The following TANC2 variants were observed in gnomAD, a reference collection of about 807,000 sequenced individuals.
TANC2 encodes tetratricopeptide repeat, ankyrin repeat and coiled-coil containing 2.
In TANC2, 26 loss-of-function variants were observed where a neutral mutation model predicts 210.5. The observed-to-expected ratio is 0.12, with a 90% confidence interval of 0.09 to 0.17. The LOEUF (loss-of-function observed/expected upper bound fraction) is 0.17. Among genes scored for constraint, TANC2 ranks in the 10% least tolerant of loss-of-function variants. The pLI is 1.00. For missense variants in TANC2, 2,129 were observed against 2,608.9 expected (o/e 0.82, Z 4.01); for synonymous variants, 931 against 967.1 (o/e 0.96, Z 0.69).
chr17:63,370,789 C>T (rs2047244189), intron 14 of TANC2, among the ~76,000 whole-genome samples: 1 of 152,030 alleles, frequency 6.6e-6, no homozygotes, highest in Admixed American at 6.5e-5. Flanking sequence ...TGGGGGAAGA[C>T]AAAAAACAGT....
At chr17:63,298,733 A>G (rs748391420) in intron 9 of TANC2, among the ~76,000 whole-genome samples, 93 of 152,266 alleles carry the variant, frequency 6.1e-4, no homozygotes, top group African/African-American at 2.1e-3. Flanking sequence ...AAAACCTACA[A>G]TCATGAGATT....
rs12603673 is a variant in TANC2, at chr17:63,077,144, G to C, written c.139+3130G>C. Among the ~76,000 whole-genome samples the C allele has an allele frequency of 3.4e-4, 51 of 152,236 alleles. No individual in the cohort carries two copies. In the East Asian group the frequency reaches 8.3e-3, roughly 25 times the overall value. On this transcript the variant is annotated intron_variant, in intron 3 of 27. Transcript: ENST00000689528. ...CCAAACAGATCGTTCATGCTTCTGG[G>C]GGGTGGGAGGGAATGAGTTGGCTTT... is the stretch of plus-strand genomic sequence containing the variant.
chr17:63,086,568 C>G (rs1413906537), intron 3 of TANC2, among the ~76,000 whole-genome samples: 1 of 152,174 alleles, frequency 6.6e-6, no homozygotes, highest in Non-Finnish European at 1.5e-5. Flanking sequence ...ACTTATATTA[C>G]TCATCTGTTC....
chr17:63,191,218 A>G (rs1455907991), intron 5 of TANC2, among the ~76,000 whole-genome samples: 1 of 151,982 alleles, frequency 6.6e-6, no homozygotes, highest in Admixed American at 6.5e-5. Context: ...TTTTAAGCAT[A>G]TTTTAAATGA....
intron 11 of TANC2, among the ~76,000 whole-genome samples, chr17:63,319,621 G>T (rs2045431033): frequency 1.3e-5 from 2 of 152,216 alleles, no homozygotes; most frequent in African/African-American, 4.8e-5. Flanking sequence ...AGAGTGCTGG[G>T]ATTACAGGCG....
chr17:63,146,328 T>C (rs2039462094), intron 4 of TANC2, among the ~76,000 whole-genome samples: 1 of 152,128 alleles, frequency 6.6e-6, no homozygotes, highest in Admixed American at 6.6e-5. Flanking sequence ...TTTCTACATA[T>C]AAGTTGTCTT....
At chr17:63,375,978 A>T (rs146877611) in intron 14 of TANC2, among the ~76,000 whole-genome samples, 2 of 151,666 alleles carry the variant, frequency 1.3e-5, no homozygotes, top group Non-Finnish European at 2.9e-5. Flanking sequence ...AATCCCAGCT[A>T]TTTGGGAGGC....
At chr17:63,395,680 G>T in intron 17 of TANC2, 63 bp from the exon 18 acceptor site, 1 of 1,483,888 alleles carries the variant, frequency 6.7e-7, no homozygotes, top group South Asian at 1.2e-5. Flanking sequence ...TGGCGGATGT[G>T]ACTAGATTGC....
chr17:63,023,072 G>A (rs2144030867), intron 2 of TANC2, among the ~76,000 whole-genome samples: 1 of 152,354 alleles, frequency 6.6e-6, no homozygotes, highest in East Asian at 1.9e-4. Flanking sequence ...GCAAAAACTT[G>A]CCATGGGGTG....
At chr17:63,369,130 C>T (rs983180901) in intron 14 of TANC2, among the ~76,000 whole-genome samples, 3 of 152,088 alleles carry the variant, frequency 2.0e-5, no homozygotes, top group African/African-American at 7.2e-5. Context: ...TCCCCATGTC[C>T]TAAACAATGA....
chr17:63,171,118 C>G (rs1232514236), intron 5 of TANC2, among the ~76,000 whole-genome samples: 2 of 134,228 alleles, frequency 1.5e-5, no homozygotes, highest in Non-Finnish European at 3.1e-5. Context: ...TGGAGTCTTG[C>G]TCCCTCGCCC....
intron 3 of TANC2, among the ~76,000 whole-genome samples, chr17:63,091,845 C>T (rs1405025955): frequency 6.6e-6 from 1 of 152,158 alleles, no homozygotes; most frequent in East Asian, 1.9e-4. Context: ...TATCCATGAG[C>T]ATGGAATGTT....
chr17:63,351,243 A>C lies in TANC2; in HGVS notation c.1808-7A>C, dbSNP rs1374586219. 2 of 1,599,888 alleles carry C rather than the reference A, an allele frequency of 1.3e-6. No homozygotes were observed. The highest frequency in any genetic ancestry group is 3.5e-5 in the Admixed American group (2 of 57,494). On this transcript the variant is annotated splice_region_variant and splice_polypyrimidine_tract_variant and intron_variant, in intron 12 of 27. Transcript: ENST00000689528. ...ATTATTAAGTAATGTGTTTCTTTCT[A>C]TCTCAGAGAGAAAAATCCCAGATGA...
chr17:63,035,531 T>A (rs1317327548), intron 2 of TANC2, among the ~76,000 whole-genome samples: 1 of 152,216 alleles, frequency 6.6e-6, no homozygotes, highest in Non-Finnish European at 1.5e-5. Context: ...TGTCAAAAAG[T>A]ACTAGCGAGT....
intron 1 of TANC2, among the ~76,000 whole-genome samples, chr17:62,969,016 C>G (rs2031528269): frequency 6.6e-6 from 1 of 151,908 alleles, no homozygotes; most frequent in African/African-American, 2.4e-5. Flanking sequence ...TGTATGGAAC[C>G]ATGTATAGGG....
intron 4 of TANC2, among the ~76,000 whole-genome samples, chr17:63,136,894 A>G (rs1007040836): frequency 7.2e-5 from 11 of 152,086 alleles, no homozygotes; most frequent in African/African-American, 2.7e-4. Context: ...TCAGAGATTG[A>G]GGCGGCAAGG....
At chr17:63,344,831 C>T (rs1205591397) in intron 12 of TANC2, among the ~76,000 whole-genome samples, 1 of 152,190 alleles carries the variant, frequency 6.6e-6, no homozygotes, top group Non-Finnish European at 1.5e-5. Flanking sequence ...ACTGCTTCAG[C>T]CAACAAAATG....
chr17:63,285,782 C>T (rs1455747590), intron 9 of TANC2, among the ~76,000 whole-genome samples: 5 of 152,134 alleles, frequency 3.3e-5, no homozygotes, highest in South Asian at 2.1e-4. Flanking sequence ...TTTTTATTGG[C>T]GTGTGGTCAT....
chr17:63,255,612 A>G (rs1328306980), intron 8 of TANC2, among the ~76,000 whole-genome samples: 2 of 152,166 alleles, frequency 1.3e-5, no homozygotes, highest in South Asian at 2.1e-4. Context: ...AGTTGCTCAT[A>G]GTAGTCTCTA....
Sources: gnomAD v4.1 joint callset for allele counts (sites outside exome capture counted in the v4.1 genomes callset) on GRCh38, gnomAD v4.1.1 for gene constraint, MANE v1.5 for transcripts, NCBI Gene and HGNC (gene_info 2026-07-23, HGNC 2026-07-21) for gene names.